Variants in ADGRL2 observed in about 807,000 individuals in gnomAD.
ADGRL2 encodes adhesion G protein-coupled receptor L2.
A neutral mutation model predicts 157.4 loss-of-function variants in ADGRL2; 44 were observed. That is an observed-to-expected ratio of 0.28 (90% CI 0.22 to 0.36). The LOEUF is 0.36. Ranked by LOEUF, ADGRL2 falls within the 10% of genes least tolerant of loss-of-function variation. ADGRL2 has a pLI of 1.00. For missense variants in ADGRL2, 1,510 were observed against 1,768.9 expected (o/e 0.85, Z 2.63); for synonymous variants, 585 against 624.7 (o/e 0.94, Z 0.95).
In ADGRL2 at chr1:81,634,730, C is replaced by T. The variant is rs570286603; in HGVS notation, c.-143+53750C>T. Among the ~76,000 whole-genome samples, 12 of 152,028 alleles carry T rather than the reference C, an allele frequency of 7.9e-5. No individual in the cohort carries two copies. The East Asian group carries it at 2.4e-3, about 30-fold the overall frequency. On this transcript the variant is annotated intron_variant, in intron 3 of 24. Transcript: ENST00000370721. ...TAGAGACGGGGTTTCACCATGTTGG[C>T]AGGCTGGCCTCCAACTTCTTACCTC...
chr1:81,393,006 T>G (rs1008376510), intron 1 of ADGRL2, among the ~76,000 whole-genome samples: 1 of 152,144 alleles, frequency 6.6e-6, no homozygotes, highest in Non-Finnish European at 1.5e-5. Flanking sequence ...ACTCTTTTGA[T>G]TGTTTGATAA....
intron 3 of ADGRL2, among the ~76,000 whole-genome samples, chr1:81,615,046 G>A (rs1414124876): frequency 6.6e-6 from 1 of 152,018 alleles, no homozygotes; most frequent in Non-Finnish European, 1.5e-5. Flanking sequence ...AATAAAAACA[G>A]ATATCAGTAA....
intron 2 of ADGRL2, among the ~76,000 whole-genome samples, chr1:81,780,037 T>C (rs1008525419): frequency 6.6e-6 from 1 of 152,222 alleles, no homozygotes; most frequent in Admixed American, 6.5e-5. Flanking sequence ...TCTTTCCTTC[T>C]GACCAGAAAG....
At chr1:81,824,634 A>G (rs915288914) in intron 1 of ADGRL2, among the ~76,000 whole-genome samples, 1 of 152,186 alleles carries the variant, frequency 6.6e-6, no homozygotes, top group Non-Finnish European at 1.5e-5. Flanking sequence ...AAGATAACCC[A>G]ATAGCAACTA....
chr1:81,374,051 T>A (rs2076204689), intron 1 of ADGRL2, among the ~76,000 whole-genome samples: 1 of 149,952 alleles, frequency 6.7e-6, no homozygotes, highest in Admixed American at 6.8e-5. Context: ...GTCAACAATA[T>A]GTTGTGGCCA....
chr1:81,976,195 T>C (rs1288866977), intron 17 of ADGRL2, among the ~76,000 whole-genome samples: 1 of 152,022 alleles, frequency 6.6e-6, no homozygotes. Context: ...TAATATGTAT[T>C]GGTGAAATTT....
At chr1:81,602,556 C>T (rs1187888137) in intron 3 of ADGRL2, among the ~76,000 whole-genome samples, 1 of 151,974 alleles carries the variant, frequency 6.6e-6, no homozygotes, top group African/African-American at 2.4e-5. Flanking sequence ...AGAGCCACTG[C>T]ACTCCATCCT....
chr1:81,783,908 C>A (rs1473122204), intron 2 of ADGRL2, among the ~76,000 whole-genome samples: 2 of 152,122 alleles, frequency 1.3e-5, no homozygotes, highest in African/African-American at 2.4e-5. Flanking sequence ...GTGCCAGGTA[C>A]TATCTGTATT....
At chr1:81,385,373 G>C (rs1389567448) in intron 1 of ADGRL2, among the ~76,000 whole-genome samples, 2 of 152,020 alleles carry the variant, frequency 1.3e-5, no homozygotes, top group Non-Finnish European at 2.9e-5. Flanking sequence ...CATAAAATGA[G>C]GGCTAGAAAG....
intron 2 of ADGRL2, among the ~76,000 whole-genome samples, chr1:81,451,455 A>G (rs1293423749): frequency 6.6e-6 from 1 of 152,250 alleles, no homozygotes; most frequent in East Asian, 1.9e-4. Context: ...TGTTTATACC[A>G]GAGAAGAGCA....
chr1:81,852,185 A>G (rs1015284333), intron 2 of ADGRL2, among the ~76,000 whole-genome samples: 5 of 152,118 alleles, frequency 3.3e-5, no homozygotes, highest in Admixed American at 2.0e-4. Flanking sequence ...AAATGAAAGC[A>G]TTATTTTGTC....
chr1:81,576,053 T>C (rs556321737), intron 2 of ADGRL2, among the ~76,000 whole-genome samples: 3 of 152,156 alleles, frequency 2.0e-5, no homozygotes, highest in Non-Finnish European at 4.4e-5. Flanking sequence ...TGGAACTTAT[T>C]TTATAAAATC....
At chr1:81,807,210 C>T (rs2089273927) in intron 1 of ADGRL2, among the ~76,000 whole-genome samples, 1 of 151,914 alleles carries the variant, frequency 6.6e-6, no homozygotes, top group African/African-American at 2.4e-5. Context: ...ATATCAGTTC[C>T]TATGGATTAA....
chr1:81,496,373 A>G (rs2078729859), intron 2 of ADGRL2, among the ~76,000 whole-genome samples: 1 of 152,062 alleles, frequency 6.6e-6, no homozygotes. Context: ...TTCTTTAGCA[A>G]AAAAGGGGGA....
At chr1:81,324,931 G>T (rs1173515358) in intron 1 of ADGRL2, among the ~76,000 whole-genome samples, 1 of 151,962 alleles carries the variant, frequency 6.6e-6, no homozygotes, top group East Asian at 1.9e-4. Flanking sequence ...TGGCTAGGCT[G>T]GTCTCGAACT....
At chr1:81,837,465 T>G (rs903763752) in intron 2 of ADGRL2, among the ~76,000 whole-genome samples, 1 of 151,990 alleles carries the variant, frequency 6.6e-6, no homozygotes, top group Non-Finnish European at 1.5e-5. Context: ...AAATATGTAG[T>G]CTTTTATGAA....
rs561561415 is a variant in ADGRL2, at chr1:81,739,503, C to T, written c.-142-22308C>T. On this transcript the variant is annotated intron_variant, in intron 1 of 20. Coordinates refer to the ADGRL2 transcript ENST00000359929. Reference sequence around the variant, plus strand: ...CTGGCCTGGAGCAGGCAGAGAGAGCCAAGGTGAGCTCTTATTAACTGTTTA... The same window carrying T: ...CTGGCCTGGAGCAGGCAGAGAGAGCTAAGGTGAGCTCTTATTAACTGTTTA... Among the ~76,000 whole-genome samples, 12 of 152,246 alleles carry T rather than the reference C, an allele frequency of 7.9e-5. No individual in the cohort carries two copies. The South Asian group carries it at 2.5e-3, about 32-fold the overall frequency.
chr1:81,427,300 T>A (rs11163290), intron 1 of ADGRL2: 2 of 725,320 alleles, frequency 2.8e-6, no homozygotes, highest in Admixed American at 1.8e-5. Context: ...TTAGAGGCGA[T>A]GGTGGCAACT....
chr1:81,634,830 C>A (rs1166055609), intron 3 of ADGRL2, among the ~76,000 whole-genome samples: 1 of 152,068 alleles, frequency 6.6e-6, no homozygotes, highest in African/African-American at 2.4e-5. Flanking sequence ...CCTATGTTAG[C>A]TTTCAGTTAG....
Sources: allele counts gnomAD v4.1 joint callset (sites outside exome capture counted in the v4.1 genomes callset), GRCh38; gene constraint gnomAD v4.1.1; transcripts MANE v1.5; gene names NCBI Gene and HGNC (gene_info 2026-07-23, HGNC 2026-07-21).